TCTN3: variants seen among roughly 807,000 people sequenced by gnomAD.
The protein encoded by TCTN3 is tectonic-3.
A neutral mutation model predicts 71.3 loss-of-function variants in TCTN3; 57 were observed. The observed-to-expected ratio is 0.80, with a 90% CI of 0.65 to 1.00. TCTN3 has a LOEUF of 1.00. TCTN3 is among the 50% of genes least tolerant of loss of function. The probability of loss-of-function intolerance (pLI) is 0.00; values close to 1 mark genes in which losing one functional copy is unlikely to be tolerated. For missense variants in TCTN3, 696 were observed against 719.9 expected (o/e 0.97, Z 0.38); for synonymous variants, 258 against 267.8 (o/e 0.96, Z 0.36).
chr10:95,677,400 A>G (rs1386144391), intron 13 of TCTN3, among the ~76,000 whole-genome samples: 1 of 151,486 alleles, frequency 6.6e-6, no homozygotes, highest in Non-Finnish European at 1.5e-5. Context: ...TACCACTAGT[A>G]TCGGTCACAC....
intron 13 of TCTN3, among the ~76,000 whole-genome samples, chr10:95,679,038 G>A (rs928750236): frequency 2.0e-5 from 3 of 152,136 alleles, no homozygotes; most frequent in South Asian, 2.1e-4. Context: ...AACAGATAAT[G>A]TTTCTTCAAT....
intron 13 of TCTN3, among the ~76,000 whole-genome samples, chr10:95,676,488 A>C (rs2097937301): frequency 6.6e-6 from 1 of 152,114 alleles, no homozygotes; most frequent in African/African-American, 2.4e-5. Context: ...TACAGGTGTG[A>C]GTCACCGCGC....
intron 13 of TCTN3, among the ~76,000 whole-genome samples, chr10:95,668,870 G>A (rs1410178013): frequency 6.6e-6 from 1 of 152,204 alleles, no homozygotes; most frequent in African/African-American, 2.4e-5. Context: ...AGGAAAATGT[G>A]GAACTGATAG....
intron 13 of TCTN3, among the ~76,000 whole-genome samples, chr10:95,665,173 A>G (rs1389208613): frequency 6.6e-6 from 1 of 152,082 alleles, no homozygotes; most frequent in Non-Finnish European, 1.5e-5. Context: ...GAGTGGTGCA[A>G]TCATCACTCA....
At chr10:95,686,654 A>AT in intron 6 of TCTN3, 124 bp from the exon 7 acceptor site, 1 of 878,780 alleles carries the variant, frequency 1.1e-6, no homozygotes, top group South Asian at 1.6e-5. Flanking sequence ...TATTAGAATG[A>AT]TTTACTTCCT....
intron 13 of TCTN3, among the ~76,000 whole-genome samples, chr10:95,668,255 CAA>C (rs374400684): frequency 0.19 from 22,496 of 119,822 alleles, 1,724 homozygotes; most frequent in Middle Eastern, 0.26. Context: ...ATAGGAGTGC[CAA>C]AAAAAAAAAA....
intron 13 of TCTN3, among the ~76,000 whole-genome samples, chr10:95,666,257 A>G (rs1250158363): frequency 1.0e-5 from 1 of 98,876 alleles, no homozygotes; most frequent in East Asian, 4.1e-4. Context: ...TTTTTTTTTT[A>G]ACATAGTGAG....
At chr10:95,691,728 T>G (rs1199315158) in intron 3 of TCTN3, among the ~76,000 whole-genome samples, 1 of 152,230 alleles carries the variant, frequency 6.6e-6, no homozygotes, top group Non-Finnish European at 1.5e-5. Context: ...TAGCTTCATA[T>G]CTTTAGAAAT....
In TCTN3 at chr10:95,692,903, A is replaced by G; in HGVS notation, c.499+17T>C. The stretch of plus-strand genomic sequence containing the variant: ...CCTGTGTTAGAAAATGAGAACAACC[A>G]ACATGTTTCTACTCACAGTTGTTCA... On this transcript the variant is annotated intron_variant, in intron 3 of 13. Coordinates refer to ENST00000371217, the MANE Select transcript of TCTN3 (RefSeq NM_015631.6). The G allele has an allele frequency of 6.4e-7, 1 of 1,561,240 alleles. No homozygotes were observed. The highest frequency in any genetic ancestry group is 8.8e-7 in the Non-Finnish European group (1 of 1,131,874).
At chr10:95,665,508 T>C (rs2097924862) in intron 13 of TCTN3, among the ~76,000 whole-genome samples, 1 of 152,194 alleles carries the variant, frequency 6.6e-6, no homozygotes, top group Non-Finnish European at 1.5e-5. Flanking sequence ...CTCGAACTCC[T>C]GACCTCAAGT....
intron 13 of TCTN3, among the ~76,000 whole-genome samples, chr10:95,679,883 C>T (rs575131587): frequency 2.0e-5 from 3 of 152,150 alleles, no homozygotes; most frequent in Non-Finnish European, 4.4e-5. Flanking sequence ...AGCCACCGCG[C>T]CCGGCCGTCA....
chr10:95,692,805 G>T, intron 3 of TCTN3, 115 bp downstream of exon 3: 3 of 711,636 alleles, frequency 4.2e-6, no homozygotes, highest in Non-Finnish European at 2.4e-6. Flanking sequence ...ATCAGCTATC[G>T]TTAGTGTATT....
At chr10:95,671,855 C>CA (rs565431894) in intron 13 of TCTN3, among the ~76,000 whole-genome samples, 4 of 152,144 alleles carry the variant, frequency 2.6e-5, no homozygotes, top group Non-Finnish European at 5.9e-5. Context: ...CTTGGTCTCC[C>CA]AAAGTGCTGG....
At chr10:95,688,747 A>G (rs1476919063) in intron 3 of TCTN3, among the ~76,000 whole-genome samples, 1 of 152,206 alleles carries the variant, frequency 6.6e-6, no homozygotes, top group African/African-American at 2.4e-5. Flanking sequence ...TTTCTATGAT[A>G]GCAATGTATA....
At chr10:95,683,778 T>A in intron 9 of TCTN3, 149 bp from the exon 10 acceptor site, 1 of 552,072 alleles carries the variant, frequency 1.8e-6, no homozygotes, top group Non-Finnish European at 3.0e-6. Context: ...CAGTGTAGCA[T>A]TTTGCTTCTT....
intron 12 of TCTN3, among the ~76,000 whole-genome samples, chr10:95,681,653 T>C (rs1566071090): frequency 6.6e-6 from 1 of 152,252 alleles, no homozygotes; most frequent in Non-Finnish European, 1.5e-5. Context: ...CATATCATTC[T>C]ATATGGTTTT....
chr10:95,674,297 G>A (rs1018660564), intron 13 of TCTN3, among the ~76,000 whole-genome samples: 1 of 152,062 alleles, frequency 6.6e-6, no homozygotes, highest in Non-Finnish European at 1.5e-5. Flanking sequence ...TATTGTAAAT[G>A]AAACTGAATA....
chr10:95,666,940 T>C (rs2097926293), intron 13 of TCTN3, among the ~76,000 whole-genome samples: 1 of 152,166 alleles, frequency 6.6e-6, no homozygotes, highest in Non-Finnish European at 1.5e-5. Context: ...TATTTGATTA[T>C]CTTTATCTGA....
At position 95,683,165 on chromosome 10, in the gene TCTN3, T is replaced by C. The variant is rs767035269; in HGVS notation, c.1234A>G (p.Ser412Gly). ...MTLLQSQGNGSCSVKRHEVQF... is the reference protein window; with the variant it reads ...MTLLQSQGNGGCSVKRHEVQF... ...ACTTCATGTCTTTTAACAGAGCAAC[T>C]TCCATTACCCTGGCTCTGTAAGAGG... The change falls in exon 11 of 14, where the codon AGT becomes GGT. Residue 412 changes from serine (S) to glycine (G), a missense_variant. Physicochemically the swap from Ser to Gly is moderately conservative, Grantham distance 56. Coordinates refer to ENST00000371217, the MANE Select transcript of TCTN3 (RefSeq NM_015631.6). The C allele has an allele frequency of 1.2e-6, 2 of 1,614,048 alleles. No individual in the cohort carries two copies. Among genetic ancestry groups the C allele is most frequent in the East Asian group, 2.2e-5 (1 of 44,850 alleles).
Sources: allele counts gnomAD v4.1 joint callset (sites outside exome capture counted in the v4.1 genomes callset), GRCh38; gene constraint gnomAD v4.1.1; transcripts MANE v1.5; gene names NCBI Gene and HGNC (gene_info 2026-07-23, HGNC 2026-07-21).